Variants in TFCP2L1 observed in about 807,000 individuals in gnomAD.
TFCP2L1 encodes the protein transcription factor CP2 like 1, also known as transcription factor CP2-like protein 1.
In TFCP2L1, 12 loss-of-function variants were observed where a neutral mutation model predicts 72.2. That is an observed-to-expected ratio of 0.17 (90% CI 0.11 to 0.27). TFCP2L1 has a LOEUF of 0.27. TFCP2L1 is among the 10% of genes least tolerant of loss of function. TFCP2L1 has a pLI of 1.00. For synonymous variants in TFCP2L1, 260 were observed against 251.0 expected (o/e 1.04, Z -0.34); for missense variants, 488 against 624.6 (o/e 0.78, Z 2.33).
At chr2:121,285,010 C>T (rs925419168) in intron 1 of TFCP2L1, 38 bp downstream of exon 1, 7 of 1,450,022 alleles carry the variant, frequency 4.8e-6, no homozygotes, top group Admixed American at 5.6e-5. Context: ...GCCCGCCGGC[C>T]CGGCCCGAGA....
rs893844651 is a variant in TFCP2L1, at chr2:121,219,480, T to C, written c.*4861A>G. 5.9e-5 allele frequency: 9 copies of C among 152,204 alleles called. No individual in the cohort carries two copies. The highest frequency in any genetic ancestry group is 1.3e-4 in the Non-Finnish European group (9 of 68,088). 9.4% of individuals were successfully genotyped at this position (152,204 alleles called of 1,614,324 possible). On this transcript the variant is annotated 3_prime_UTR_variant, in exon 15 of 15. Transcript: ENST00000263707. ...TTGCGGAGGAAGTAGTCAGCCCAGT[T>C]AGGAGCTAGGGCTGATTCCCAAAGA...
intron 4 of TFCP2L1, 40 bp downstream of exon 4, chr2:121,248,942 C>T: frequency 1.4e-6 from 2 of 1,481,240 alleles, no homozygotes; most frequent in Non-Finnish European, 1.8e-6. Context: ...GGCCTGGGTG[C>T]CTCGAGCCTT....
rs1226680900 is a variant in TFCP2L1, at chr2:121,222,356, T to C, written c.*1985A>G. On this transcript the variant is annotated 3_prime_UTR_variant, in exon 15 of 15. Coordinates refer to ENST00000263707, the MANE Select transcript of TFCP2L1 (RefSeq NM_014553.3). Reference sequence around the variant, plus strand: ...CCACACAAAATCTTGTAGAAATATGTTCATAGCAGCATCATTCAGAGTAGC... The same window carrying C: ...CCACACAAAATCTTGTAGAAATATGCTCATAGCAGCATCATTCAGAGTAGC... 1 of 152,218 alleles carries C rather than the reference T, an allele frequency of 6.6e-6. No homozygotes were observed. The highest frequency in any genetic ancestry group is 2.4e-5 in the African/African-American group (1 of 41,442). The allele number at this position is 152,218 out of a possible 1,614,324, so 9.4% of individuals were successfully genotyped here. A position where few individuals can be genotyped will look rare whatever the true frequency, so the allele number is the denominator to read the frequency against.
rs540028728 is a variant in TFCP2L1, at chr2:121,266,674, C to T, written c.214+14446G>A. 4.6e-5 allele frequency among the ~76,000 whole-genome samples: 7 copies of T among 152,084 alleles called. No individual in the cohort carries two copies. The South Asian group carries it at 1.2e-3, about 27-fold the overall frequency. The stretch of plus-strand genomic sequence containing the variant: ...GAAATTTTAGGGACTTGCTTTAATC[C>T]GTTCTCAATCGAGGAAGTCTATCAC... On this transcript the variant is annotated intron_variant, in intron 2 of 14. Transcript: ENST00000263707.
intron 1 of TFCP2L1, among the ~76,000 whole-genome samples, chr2:121,281,595 A>G (rs975686836): frequency 2.0e-5 from 3 of 151,980 alleles, no homozygotes; most frequent in African/African-American, 7.3e-5. Context: ...CAGCAAAGGG[A>G]CCTCTAAGAC....
intron 6 of TFCP2L1, among the ~76,000 whole-genome samples, chr2:121,246,275 T>C (rs1030831424): frequency 2.6e-5 from 4 of 152,052 alleles, no homozygotes; most frequent in Admixed American, 6.5e-5. Context: ...AGATGGAAAA[T>C]AGTGACAGGC....
intron 2 of TFCP2L1, among the ~76,000 whole-genome samples, chr2:121,267,211 C>A (rs972751198): frequency 6.6e-6 from 1 of 152,168 alleles, no homozygotes; most frequent in African/African-American, 2.4e-5. Context: ...AGCCACCGCA[C>A]CTGGCCACAA....
chr2:121,232,114 TTTGTTTTGTTTTG>T, intron 12 of TFCP2L1, 146 bp from the exon 13 acceptor site: 1 of 145,244 alleles, frequency 6.9e-6, no homozygotes, highest in Non-Finnish European at 1.4e-5. Context: ...CTCTTTTTGT[TTTGTTTTGTTTTG>T]TTTTGTTTTG....
intron 2 of TFCP2L1, among the ~76,000 whole-genome samples, chr2:121,251,414 G>A (rs1286719597): frequency 1.3e-5 from 2 of 152,142 alleles, no homozygotes; most frequent in Admixed American, 6.5e-5. Context: ...CTGTAGGCTT[G>A]TATGTGTATA....
intron 2 of TFCP2L1, among the ~76,000 whole-genome samples, chr2:121,279,986 G>A (rs1051930640): frequency 3.3e-5 from 5 of 152,060 alleles, no homozygotes; most frequent in East Asian, 1.9e-4. Context: ...GTCATGAGAC[G>A]ACCCAGAAGA....
At position 121,248,228 on chromosome 2, in the gene TFCP2L1, G is replaced by A. The variant is rs202122869; in HGVS notation, c.440C>T (p.Pro147Leu). The stretch of plus-strand genomic sequence containing the variant: ...AAACTCGACTGCATTCAGCTGGGTC[G>A]GGCTGGCCCTGGGGTCCAAGATACC... ...SVGILDPRASPTQLNAVEFLW... is the reference protein window; with the variant it reads ...SVGILDPRASLTQLNAVEFLW... The change falls in exon 5 of 15, where the codon CCG becomes CTG. Residue 147 changes from proline to leucine, a missense_variant. Coordinates refer to ENST00000263707, the MANE Select transcript of TFCP2L1 (RefSeq NM_014553.3). 1.4e-5 allele frequency: 22 copies of A among 1,614,034 alleles called. No individual in the cohort carries two copies. In the East Asian group the frequency reaches 3.3e-4, roughly 25 times the overall value.
intron 6 of TFCP2L1, among the ~76,000 whole-genome samples, chr2:121,243,592 G>A (rs1686421620): frequency 6.6e-6 from 1 of 152,112 alleles, no homozygotes; most frequent in Non-Finnish European, 1.5e-5. Context: ...TCTAAGCTCT[G>A]CCTCCCGTGT....
intron 7 of TFCP2L1, 43 bp from the exon 8 acceptor site, chr2:121,239,692 C>T (rs1311219931): frequency 6.3e-6 from 10 of 1,577,590 alleles, no homozygotes; most frequent in Admixed American, 1.7e-5. Flanking sequence ...TGGAGAGGCG[C>T]TGAGCCGTGC....
chr2:121,240,408 G>A (rs1180189967), intron 7 of TFCP2L1: 2 of 985,308 alleles, frequency 2.0e-6, no homozygotes, highest in African/African-American at 1.7e-5. Context: ...TGCCTCTTCA[G>A]AGAGGGCCAA....
intron 2 of TFCP2L1, among the ~76,000 whole-genome samples, chr2:121,275,057 T>C (rs865908970): frequency 6.6e-6 from 1 of 151,972 alleles, no homozygotes; most frequent in South Asian, 2.1e-4. Flanking sequence ...GTTATGACAA[T>C]ATTCTGCCCT....
chr2:121,247,056 G>A, intron 5 of TFCP2L1, 86 bp from the exon 6 acceptor site: 3 of 1,512,334 alleles, frequency 2.0e-6, no homozygotes, highest in East Asian at 2.4e-5. Flanking sequence ...TATTGGAGGT[G>A]TCCTTCCCTG....
At chr2:121,225,459 G>A in intron 14 of TFCP2L1, 103 bp downstream of exon 14, 1 of 1,128,708 alleles carries the variant, frequency 8.9e-7, no homozygotes, top group African/African-American at 1.6e-5. Flanking sequence ...TTTTCTCAAA[G>A]GCTTTTCCCA....
In TFCP2L1 at chr2:121,225,622, CAA is replaced by C. The variant is rs750679863; in HGVS notation, c.1342-11_1342-10del. 3 of 1,614,036 alleles carry C rather than the reference CAA, an allele frequency of 1.9e-6. No homozygotes were observed. The highest frequency in any genetic ancestry group is 2.2e-5 in the East Asian group (1 of 44,882). ...TGGAAGTTCTGCACCATCTGAGAGACAAAAGAGAGAACATGTTCCTTCAACCA... is the reference window on the plus strand; with the variant it reads ...TGGAAGTTCTGCACCATCTGAGAGACAAGAGAGAACATGTTCCTTCAACCA... On this transcript the variant is annotated splice_polypyrimidine_tract_variant and intron_variant, in intron 13 of 14. Coordinates refer to ENST00000263707, the MANE Select transcript of TFCP2L1 (RefSeq NM_014553.3).
At position 121,281,172 on chromosome 2, in the gene TFCP2L1, G is replaced by A; in HGVS notation, c.162C>T (p.Ala54=). Residue 54 remains alanine (A), a synonymous_variant, in exon 2 of 15, where the codon GCC becomes GCT. Transcript: ENST00000263707. ...CATGCAGCTTCACGGCTGGGGACGTGGCAGCACACAACACATATTGCAGGG... is the reference window on the plus strand; with the variant it reads ...CATGCAGCTTCACGGCTGGGGACGTAGCAGCACACAACACATATTGCAGGG... ...LPPLQYVLCA[A]TSPAVKLHEE... is the part of the protein sequence containing the mutation. 6.2e-7 allele frequency: 1 copy of A among 1,613,822 alleles called. No individual in the cohort carries two copies. The highest frequency in any genetic ancestry group is 8.5e-7 in the Non-Finnish European group (1 of 1,180,022).
Sources: gnomAD v4.1 joint callset for allele counts (sites outside exome capture counted in the v4.1 genomes callset) on GRCh38, gnomAD v4.1.1 for gene constraint, MANE v1.5 for transcripts, NCBI Gene and HGNC (gene_info 2026-07-23, HGNC 2026-07-21) for gene names.